PELI3: variants seen among roughly 807,000 people sequenced by gnomAD.
PELI3 encodes the protein pellino E3 ubiquitin protein ligase family member 3.
Under a neutral mutation model 35.5 loss-of-function variants are expected in PELI3, and 19 were observed. The ratio of observed to expected loss-of-function variants is 0.54; its 90% confidence interval spans 0.37 to 0.79. PELI3 has a LOEUF of 0.79. Ranked by LOEUF, PELI3 falls within the 30% of genes least tolerant of loss-of-function variation. The probability of loss-of-function intolerance (pLI) is 0.00; values close to 1 mark genes in which losing one functional copy is unlikely to be tolerated. For synonymous variants in PELI3, 262 were observed against 279.2 expected (o/e 0.94, Z 0.62); for missense variants, 490 against 661.2 (o/e 0.74, Z 2.84).
intron 2 of PELI3, 115 bp downstream of exon 2, chr11:66,468,395 C>A: frequency 9.4e-7 from 1 of 1,060,034 alleles, no homozygotes; most frequent in Non-Finnish European, 1.3e-6. Context: ...TGTCCCTCCT[C>A]ACCTTCCTAG....
In PELI3 at chr11:66,471,310, C is replaced by G; in HGVS notation, c.293C>G (p.Ser98Trp). The change falls in exon 4 of 8, where the codon TCG becomes TGG. Residue 98 changes from serine (S) to tryptophan (W), a missense_variant. Ser to Trp is a radical substitution (Grantham distance 177). Coordinates refer to ENST00000320740, the MANE Select transcript of PELI3 (RefSeq NM_145065.3). ...RRSRLALSRR[S>W]HANGVKPDVM... is the part of the protein sequence containing the mutation. ...AGCCGCCTGGCACTGAGCCGCCGGT[C>G]GCACGCCAACGGGGTGAAGCCAGAC... 1 of 1,614,010 alleles carries G rather than the reference C, an allele frequency of 6.2e-7. No individual in the cohort carries two copies. Among genetic ancestry groups the G allele is most frequent in the Non-Finnish European group, 8.5e-7 (1 of 1,179,988 alleles).
In PELI3 at chr11:66,467,170, T is replaced by A. The variant is rs1236055467; in HGVS notation, c.-2+143T>A. The stretch of plus-strand genomic sequence containing the variant: ...TGGCTGCTGCGCGCCCGCGCGTCCC[T>A]GCGGTCGCGGGTGCGGGTGGTCTCT... On this transcript the variant is annotated intron_variant, in intron 1 of 7. Transcript: ENST00000320740. This position sits in a 1 kb window ranked among gnomAD's most constrained non-coding sequence, Gnocchi z 4.2. 6.7e-6 allele frequency: 1 copy of A among 148,958 alleles called. No homozygotes were observed. The highest frequency in any genetic ancestry group is 2.5e-5 in the African/African-American group (1 of 40,734). 9.2% of individuals were successfully genotyped at this position (148,958 alleles called of 1,614,324 possible).
chr11:66,474,173 A>G (rs1854822800), intron 7 of PELI3: 2 of 670,534 alleles, frequency 3.0e-6, no homozygotes, highest in East Asian at 5.4e-5. Flanking sequence ...GATGCGATCA[A>G]GGCACACACA....
At chr11:66,471,473 A>G in intron 4 of PELI3, 102 bp downstream of exon 4, 2 of 1,431,450 alleles carry the variant, frequency 1.4e-6, no homozygotes, top group Non-Finnish European at 1.9e-6. Context: ...ACACCTTAAC[A>G]GGGGAGCCCA....
chr11:66,471,539 C>A (rs552720215), intron 4 of PELI3, among the ~76,000 whole-genome samples, 168 bp downstream of exon 4: 1 of 152,296 alleles, frequency 6.6e-6, no homozygotes, highest in South Asian at 2.1e-4. Context: ...ATGAAAAATC[C>A]TTTGCAGTGT....
In PELI3 at chr11:66,475,501, C is replaced by A. The variant is rs1854874383; in HGVS notation, c.841-97C>A. 1.7e-5 allele frequency: 23 copies of A among 1,371,856 alleles called. No individual in the cohort carries two copies. In the South Asian group the frequency reaches 2.9e-4, roughly 17 times the overall value. The allele number at this position is 1,371,856 out of a possible 1,614,324, so 85.0% of individuals were successfully genotyped here. On this transcript the variant is annotated intron_variant, in intron 7 of 7. Coordinates refer to ENST00000320740, the MANE Select transcript of PELI3 (RefSeq NM_145065.3). ...TTGCTCCTCTGCCCTGCCTGCCCTG[C>A]CCGCCAGGGTGTCCTCTCCAGGGAG...
chr11:66,469,791 G>GTTTTTTT (rs34461329), intron 3 of PELI3, among the ~76,000 whole-genome samples: 1,788 of 124,174 alleles, frequency 0.014, 143 homozygotes, highest in East Asian at 0.025. Flanking sequence ...CAGGGAATCT[G>GTTTTTTT]TTTTTTTTTT....
intron 3 of PELI3, among the ~76,000 whole-genome samples, chr11:66,469,232 G>A (rs1490684916): frequency 6.8e-6 from 1 of 146,140 alleles, no homozygotes; most frequent in Non-Finnish European, 1.5e-5. Context: ...TTTAATGGCT[G>A]TTTGTTGACA....
At position 66,473,953 on chromosome 11, in the gene PELI3, C is replaced by T. The variant is rs557525436; in HGVS notation, c.840+28C>T. On this transcript the variant is annotated intron_variant, in intron 7 of 7. Transcript: ENST00000320740. This position sits in a 1 kb window ranked among gnomAD's most constrained non-coding sequence, Gnocchi z 5.8. ...AGGTGGCCCGCTCCATTCCCCACCC[C>T]TATCCTTGCCAGGCCCTCACAAGCT... 6.2e-6 allele frequency: 10 copies of T among 1,609,856 alleles called. No homozygotes were observed. Among genetic ancestry groups the T allele is most frequent in the East Asian group, 2.2e-5 (1 of 44,848 alleles).
chr11:66,471,387 A>G lies in PELI3; in HGVS notation c.354+16A>G. 1.2e-6 allele frequency: 2 copies of G among 1,613,168 alleles called. No homozygotes were observed. Among genetic ancestry groups the G allele is most frequent in the Non-Finnish European group, 1.7e-6 (2 of 1,179,428 alleles). ...CGTCTCCAAGGCAAGCAACTGACCCATAGACCTGAGGTCCTGCCCTCCCTG... is the reference window on the plus strand; with the variant it reads ...CGTCTCCAAGGCAAGCAACTGACCCGTAGACCTGAGGTCCTGCCCTCCCTG... On this transcript the variant is annotated intron_variant, in intron 4 of 7. Transcript: ENST00000320740.
Position 66,473,265 on chromosome 11 carries a change from A to T in PELI3, c.481A>T (p.Ile161Phe). ...FQIGRSTENM[I>F]DFVVTDTSPG... ...GATTGGCCGCTCCACAGAGAACATGATTGACTTCGTGGTAACAGACACGTC... is the reference window on the plus strand; with the variant it reads ...GATTGGCCGCTCCACAGAGAACATGTTTGACTTCGTGGTAACAGACACGTC... The change falls in exon 6 of 8, where the codon ATT becomes TTT. Residue 161 changes from isoleucine (I) to phenylalanine (F), a missense_variant. Physicochemically the swap from Ile to Phe is conservative, Grantham distance 21. This residue lies in a region of PELI3 where 349 missense variants were observed against 484.8 expected (regional missense o/e 0.72). Transcript: ENST00000320740. This position sits in a 1 kb window ranked among gnomAD's most constrained non-coding sequence, Gnocchi z 5.8. 6.2e-7 allele frequency: 1 copy of T among 1,612,632 alleles called. No homozygotes were observed. Among genetic ancestry groups the T allele is most frequent in the Non-Finnish European group, 8.5e-7 (1 of 1,179,432 alleles).
In PELI3 at chr11:66,475,614, A is replaced by G. The variant is rs763100095; in HGVS notation, c.857A>G (p.Asn286Ser). 5.5e-5 allele frequency: 89 copies of G among 1,612,080 alleles called. No homozygotes were observed. Among genetic ancestry groups the G allele is most frequent in the Non-Finnish European group, 5.9e-5 (70 of 1,179,758 alleles). Residue 286 changes from asparagine to serine, a missense_variant, in exon 8 of 8, where the codon AAC (asparagine) becomes AGC (serine). Physicochemically the swap from Asn to Ser is conservative, Grantham distance 46 (BLOSUM62 1). Coordinates refer to ENST00000320740, the MANE Select transcript of PELI3 (RefSeq NM_145065.3). ...CTCTGGCAGGTGGAAAACGAGTCCA[A>G]CGTGCTGCAGGACGGCTCTCTCATC... The part of the protein sequence containing the change: ...QRGKLVENES[N>S]VLQDGSLIDL...
chr11:66,468,361 C>A, intron 2 of PELI3, 81 bp downstream of exon 2: 4 of 1,336,342 alleles, frequency 3.0e-6, no homozygotes, highest in Non-Finnish European at 3.9e-6. Context: ...CCCCTCCTCC[C>A]CCCACATAGG....
intron 4 of PELI3, among the ~76,000 whole-genome samples, chr11:66,471,764 G>T (rs918727851): frequency 6.6e-6 from 1 of 152,178 alleles, no homozygotes; most frequent in Non-Finnish European, 1.5e-5. Flanking sequence ...TAGAGGATTT[G>T]GGTTAGAATT....
chr11:66,468,321 C>T (rs769798328), intron 2 of PELI3, 41 bp downstream of exon 2: 2 of 1,413,112 alleles, frequency 1.4e-6, no homozygotes, highest in African/African-American at 1.5e-5. Context: ...CACCAGACAC[C>T]CACCCAACGC....
At position 66,468,160 on chromosome 11, in the gene PELI3, C is replaced by A; in HGVS notation, c.32C>A (p.Ser11Tyr). Reference sequence around the variant, plus strand: ...CTGGAAGGAAACCCTGAAGTGGGGTCCCCCCGAACCTCAGACCTCCAGCAC... The same window carrying A: ...CTGGAAGGAAACCCTGAAGTGGGGTACCCCCGAACCTCAGACCTCCAGCAC... Reference protein sequence around the residue: MVLEGNPEVGSPRTSDLQHRG... With the variant: MVLEGNPEVGYPRTSDLQHRG... The change falls in exon 2 of 8, where the codon TCC becomes TAC. Residue 11 changes from serine (S) to tyrosine (Y), a missense_variant. Transcript: ENST00000320740. 6.2e-7 allele frequency: 1 copy of A among 1,606,838 alleles called. No individual in the cohort carries two copies. The highest frequency in any genetic ancestry group is 1.3e-5 in the African/African-American group (1 of 74,546).
Position 66,466,923 on chromosome 11 carries a change from C to G in PELI3, c.-106C>G, listed in dbSNP as rs1323616582. On this transcript the variant is annotated 5_prime_UTR_variant, in exon 1 of 8. Transcript: ENST00000320740. ...CCTGGGTGTCCCCGTGACGAGGCAG[C>G]GCGGAGCCGCCGCGGGCCGGGCCCA... is the stretch of plus-strand genomic sequence containing the variant. 6.6e-6 allele frequency: 1 copy of G among 151,146 alleles called. No individual in the cohort carries two copies. The highest frequency in any genetic ancestry group is 1.5e-5 in the Non-Finnish European group (1 of 67,398). The allele number at this position is 151,146 out of a possible 1,614,324, so 9.4% of individuals were successfully genotyped here.
chr11:66,470,866 G>A (rs1398502025), intron 3 of PELI3, among the ~76,000 whole-genome samples: 1 of 152,266 alleles, frequency 6.6e-6, no homozygotes, highest in East Asian at 1.9e-4. Context: ...GCTTGTGCCT[G>A]GGTGTGGCAG....
In PELI3 at chr11:66,473,138, T is replaced by A. The variant is rs1590720320; in HGVS notation, c.457-103T>A. 1 of 1,206,024 alleles carries A rather than the reference T, an allele frequency of 8.3e-7. No individual in the cohort carries two copies. The highest frequency in any genetic ancestry group is 1.8e-5 in the South Asian group (1 of 55,432). The allele number at this position is 1,206,024 out of a possible 1,614,324, so 74.7% of individuals were successfully genotyped here. On this transcript the variant is annotated intron_variant, in intron 5 of 7. Coordinates refer to ENST00000320740, the MANE Select transcript of PELI3 (RefSeq NM_145065.3). This position sits in a 1 kb window ranked among gnomAD's most constrained non-coding sequence, Gnocchi z 5.8. The stretch of plus-strand genomic sequence containing the variant: ...TCCAGGGCCTGGCAGCCTCCTTTTT[T>A]GGTGACCTTGCATACAGAGCAGCTG...
Sources: gnomAD v4.1 joint callset for allele counts (sites outside exome capture counted in the v4.1 genomes callset) on GRCh38, gnomAD v4.1.1 for gene constraint, gnomAD v4.1.1 regional missense constraint, Gnocchi (gnomAD v3.1) non-coding constraint, MANE v1.5 for transcripts, NCBI Gene and HGNC (gene_info 2026-07-23, HGNC 2026-07-21) for gene names.